The following GARIN2 variants were observed in gnomAD, a reference collection of about 807,000 sequenced individuals.
GARIN2 encodes the protein golgi associated RAB2 interactor family member 2, also known as Golgi-associated RAB2 interactor protein 2.
the GARIN2 span, chr14:67,221,656 C>T: frequency 8.9e-6 from 13 of 1,453,034 alleles, no homozygotes; most frequent in Admixed American, 8.7e-5. Flanking sequence ...GTTTGCTAAA[C>T]GTGTTTCATT....
chr14:67,194,960 G>T, the GARIN2 span, among the ~76,000 whole-genome samples: 7,153 of 152,166 alleles, frequency 0.047, 324 homozygotes, highest in African/African-American at 0.11. Flanking sequence ...GCCCCTCTCA[G>T]CCTCAAAGTG....
At chr14:67,217,195 TTC>T in the GARIN2 span, among the ~76,000 whole-genome samples, 1 of 152,106 alleles carries the variant, frequency 6.6e-6, no homozygotes, top group Non-Finnish European at 1.5e-5. Flanking sequence ...CTGACATAAA[TTC>T]TGTTTTATCT....
chr14:67,199,115 G>T, the GARIN2 span: 2 of 1,289,872 alleles, frequency 1.6e-6, no homozygotes, highest in Non-Finnish European at 1.1e-6. Context: ...TGTACGTGGG[G>T]GGCCTGAATG....
At chr14:67,206,265 G>A in the GARIN2 span, among the ~76,000 whole-genome samples, 2 of 152,140 alleles carry the variant, frequency 1.3e-5, no homozygotes, top group Admixed American at 6.6e-5. Flanking sequence ...TTGGGAGACC[G>A]AGGCGGGCAG....
chr14:67,198,129 C>G, the GARIN2 span: 2 of 1,590,864 alleles, frequency 1.3e-6, no homozygotes, highest in East Asian at 2.2e-5. Context: ...TGTTTCCATT[C>G]CCTCAGTTTT....
At chr14:67,205,149 T>C in the GARIN2 span, 8 of 1,444,780 alleles carry the variant, frequency 5.5e-6, no homozygotes, top group Middle Eastern at 5.8e-4. Flanking sequence ...GTTACCGAGA[T>C]CACACTTCTT....
At chr14:67,219,414 C>T in the GARIN2 span, among the ~76,000 whole-genome samples, 1 of 152,168 alleles carries the variant, frequency 6.6e-6, no homozygotes, top group Non-Finnish European at 1.5e-5. Context: ...CCTCCAGTGA[C>T]CTTCCTTTGA....
At chr14:67,207,659 G>C in the GARIN2 span, among the ~76,000 whole-genome samples, 1 of 152,188 alleles carries the variant, frequency 6.6e-6, no homozygotes, top group Non-Finnish European at 1.5e-5. Flanking sequence ...TGAGCCCTAA[G>C]TGATTCTGAG....
chr14:67,190,227 C>CT, the GARIN2 span, among the ~76,000 whole-genome samples: 38,409 of 123,462 alleles, frequency 0.31, 9,400 homozygotes, highest in African/African-American at 0.66. Flanking sequence ...TTGTTCTTTT[C>CT]TTTTTTTTTT....
At chr14:67,213,512 GCAT>G in the GARIN2 span, among the ~76,000 whole-genome samples, 2 of 151,408 alleles carry the variant, frequency 1.3e-5, no homozygotes, top group Non-Finnish European at 2.9e-5. Context: ...TTTTATGGCT[GCAT>G]AGTATTCCAT....
chr14:67,226,648 A>G, the GARIN2 span, among the ~76,000 whole-genome samples: 1 of 144,178 alleles, frequency 6.9e-6, no homozygotes, highest in Non-Finnish European at 1.5e-5. Context: ...GGCGTGAGCC[A>G]CTGTGCCTGG....
the GARIN2 span, among the ~76,000 whole-genome samples, chr14:67,218,348 C>T: frequency 6.6e-6 from 1 of 152,148 alleles, no homozygotes; most frequent in Non-Finnish European, 1.5e-5. Flanking sequence ...TGTGGGTGAT[C>T]TGGGGGCATG....
the GARIN2 span, among the ~76,000 whole-genome samples, chr14:67,220,732 T>G: frequency 6.6e-6 from 1 of 152,188 alleles, no homozygotes; most frequent in Non-Finnish European, 1.5e-5. Context: ...TCAAGGTACA[T>G]TTACCTGATG....
chr14:67,205,107 C>T, the GARIN2 span: 10 of 1,536,302 alleles, frequency 6.5e-6, no homozygotes, highest in Admixed American at 1.4e-4. Context: ...TCACTGAAGA[C>T]TTTCATGCTT....
the GARIN2 span, among the ~76,000 whole-genome samples, chr14:67,218,883 G>T: frequency 6.6e-6 from 1 of 152,026 alleles, no homozygotes; most frequent in Non-Finnish European, 1.5e-5. Flanking sequence ...GTGCAGCAGT[G>T]AGGGTTGGTT....
the GARIN2 span, chr14:67,199,701 C>G: frequency 1.9e-6 from 3 of 1,582,332 alleles, no homozygotes; most frequent in East Asian, 4.5e-5. Flanking sequence ...TTTGCAGATG[C>G]ACCTCCTTCA....
chr14:67,193,340 ATC>A, the GARIN2 span, among the ~76,000 whole-genome samples: 58 of 138,184 alleles, frequency 4.2e-4, no homozygotes, highest in Non-Finnish European at 8.0e-4. Context: ...CTATATAGAT[ATC>A]TATCTATATA....
At chr14:67,199,294 A>T in the GARIN2 span, 2 of 1,605,726 alleles carry the variant, frequency 1.2e-6, no homozygotes, top group Non-Finnish European at 1.7e-6. Flanking sequence ...ACATGATCAG[A>T]CTCTATGGGA....
chr14:67,216,208 CTTGTG>C, the GARIN2 span, among the ~76,000 whole-genome samples: 1 of 151,984 alleles, frequency 6.6e-6, no homozygotes, highest in African/African-American at 2.4e-5. Context: ...AGATTTACTC[CTTGTG>C]TTGTACAGTT....
Sources: gnomAD v4.1 joint callset for allele counts (sites outside exome capture counted in the v4.1 genomes callset) on GRCh38, gnomAD v4.1.1 for gene constraint, MANE v1.5 for transcripts, NCBI Gene and HGNC (gene_info 2026-07-23, HGNC 2026-07-21) for gene names.